PDE4D: variants seen among roughly 807,000 people sequenced by gnomAD.
The protein encoded by PDE4D is phosphodiesterase 4D, also known as 3',5'-cyclic-AMP phosphodiesterase 4D.
Under a neutral mutation model 87.4 loss-of-function variants are expected in PDE4D, and 24 were observed. The observed-to-expected ratio is 0.27, with a 90% CI of 0.20 to 0.39. The LOEUF is 0.39. Among genes scored for constraint, PDE4D ranks in the 10% least tolerant of loss-of-function variants. The pLI, the probability that PDE4D is intolerant of heterozygous loss-of-function variation, is 1.00. For missense variants in PDE4D, 714 were observed against 1,041.0 expected, an observed-to-expected ratio of 0.69 and a Z score of 4.32; for synonymous variants, 384 against 383.2, an observed-to-expected ratio of 1.00 and a Z score of -0.02.
chr5:59,282,030 C>T (rs1436633214), intron 1 of PDE4D, among the ~76,000 whole-genome samples: 2 of 152,124 alleles, frequency 1.3e-5, no homozygotes, highest in African/African-American at 4.8e-5. Context: ...CCTTTACCAA[C>T]ATCTGGTGTG....
At chr5:59,035,739 A>G (rs1400783324) in intron 6 of PDE4D, among the ~76,000 whole-genome samples, 1 of 152,218 alleles carries the variant, frequency 6.6e-6, no homozygotes, top group Non-Finnish European at 1.5e-5. Context: ...CAAAACCATA[A>G]TTCAACTTCC....
intron 1 of PDE4D, among the ~76,000 whole-genome samples, chr5:59,245,003 T>C (rs1006551924): frequency 3.3e-5 from 5 of 152,072 alleles, no homozygotes; most frequent in African/African-American, 1.2e-4. Flanking sequence ...AACATGTGTT[T>C]ATTTTGTAGT....
intron 1 of PDE4D, among the ~76,000 whole-genome samples, chr5:59,456,147 G>C (rs2153643791): frequency 6.6e-6 from 1 of 152,224 alleles, no homozygotes; most frequent in South Asian, 2.1e-4. Flanking sequence ...TATGAGATTT[G>C]GGAGGTACCA....
At chr5:60,502,167 A>G (rs1202641331) in intron 1 of PDE4D, among the ~76,000 whole-genome samples, 6 of 152,032 alleles carry the variant, frequency 3.9e-5, no homozygotes, top group Non-Finnish European at 2.9e-5. Context: ...TCCATCTTGA[A>G]TTAATTTTTG....
chr5:59,729,944 C>T (rs1403041556), intron 1 of PDE4D, among the ~76,000 whole-genome samples: 1 of 151,914 alleles, frequency 6.6e-6, no homozygotes, highest in Non-Finnish European at 1.5e-5. Context: ...CAAAATAGCC[C>T]CAGAATAGAA....
chr5:58,971,948 A>G lies in PDE4D; in HGVS notation c.*2716T>C, dbSNP rs1164805461. 1 of 152,536 alleles carries G rather than the reference A, an allele frequency of 6.6e-6. No individual in the cohort carries two copies. The highest frequency in any genetic ancestry group is 2.4e-5 in the African/African-American group (1 of 41,428). The allele number at this position is 152,536 out of a possible 1,614,324, so 9.4% of individuals were successfully genotyped here. A position where few individuals can be genotyped will look rare whatever the true frequency, so the allele number is the denominator to read the frequency against. ...TCTTGGATATTGAGCCTTTTCTGCAATTTGATTGTCCATTAGTGGGTATCT... is the reference window on the plus strand; with the variant it reads ...TCTTGGATATTGAGCCTTTTCTGCAGTTTGATTGTCCATTAGTGGGTATCT... On this transcript the variant is annotated 3_prime_UTR_variant, in exon 15 of 15. Coordinates refer to ENST00000340635, the MANE Select transcript of PDE4D (RefSeq NM_001104631.2).
intron 1 of PDE4D, among the ~76,000 whole-genome samples, chr5:59,465,933 G>T (rs908479200): frequency 1.3e-5 from 2 of 152,070 alleles, no homozygotes; most frequent in African/African-American, 4.8e-5. Flanking sequence ...AGACACGTTT[G>T]GTACGAGAGC....
chr5:60,282,743 G>A (rs554058316), intron 1 of PDE4D, among the ~76,000 whole-genome samples: 1 of 152,190 alleles, frequency 6.6e-6, no homozygotes, highest in Admixed American at 6.5e-5. Flanking sequence ...TAAGACATAG[G>A]CATATGCTTT....
chr5:59,844,500 G>T (rs192965794), intron 1 of PDE4D, among the ~76,000 whole-genome samples: 126 of 152,160 alleles, frequency 8.3e-4, no homozygotes, highest in African/African-American at 2.8e-3. Context: ...AATAGAGTAT[G>T]CATAGGCCAT....
chr5:60,505,189 A>G (rs988305673), intron 1 of PDE4D, among the ~76,000 whole-genome samples: 8 of 152,244 alleles, frequency 5.3e-5, no homozygotes, highest in Non-Finnish European at 8.8e-5. Context: ...CCAAAGGTCA[A>G]TGAAGGCAAG....
intron 1 of PDE4D, among the ~76,000 whole-genome samples, chr5:59,641,513 G>A (rs1448841213): frequency 6.6e-6 from 1 of 152,038 alleles, no homozygotes; most frequent in African/African-American, 2.4e-5. Flanking sequence ...ATCTAACTTT[G>A]TTTTAATAAA....
At chr5:60,247,627 T>C (rs966159130) in intron 1 of PDE4D, among the ~76,000 whole-genome samples, 1 of 152,004 alleles carries the variant, frequency 6.6e-6, no homozygotes, top group Non-Finnish European at 1.5e-5. Flanking sequence ...GAACTTTACA[T>C]GGATCCAAAT....
intron 1 of PDE4D, among the ~76,000 whole-genome samples, chr5:59,618,649 G>A (rs1258141032): frequency 6.6e-6 from 1 of 152,138 alleles, no homozygotes; most frequent in Non-Finnish European, 1.5e-5. Flanking sequence ...CAAACACAGA[G>A]GATACAGTCA....
intron 1 of PDE4D, among the ~76,000 whole-genome samples, chr5:60,446,806 G>C (rs1490197009): frequency 6.6e-6 from 1 of 152,132 alleles, no homozygotes; most frequent in Non-Finnish European, 1.5e-5. Flanking sequence ...TGGTATGCCT[G>C]CTCATACTGG....
intron 2 of PDE4D, among the ~76,000 whole-genome samples, chr5:60,085,758 G>T (rs566576495): frequency 4.6e-5 from 7 of 152,078 alleles, no homozygotes; most frequent in Non-Finnish European, 1.0e-4. Flanking sequence ...ATCATTTATT[G>T]TTGTTATTAT....
chr5:59,064,909 T>C (rs1203193686), intron 5 of PDE4D, among the ~76,000 whole-genome samples: 1 of 152,070 alleles, frequency 6.6e-6, no homozygotes, highest in African/African-American at 2.4e-5. Flanking sequence ...GGAAGTAACT[T>C]GATCCAGCAG....
At chr5:59,982,109 T>C (rs1362538767) in intron 3 of PDE4D, among the ~76,000 whole-genome samples, 1 of 152,244 alleles carries the variant, frequency 6.6e-6, no homozygotes, top group Non-Finnish European at 1.5e-5. Context: ...GTTGGGTAGT[T>C]AAATTTATCC....
chr5:60,381,826 C>A (rs897581910), intron 1 of PDE4D, among the ~76,000 whole-genome samples: 3 of 151,906 alleles, frequency 2.0e-5, no homozygotes, highest in Non-Finnish European at 4.4e-5. Flanking sequence ...ATGGTTAAAA[C>A]CATGAGAATG....
intron 1 of PDE4D, among the ~76,000 whole-genome samples, chr5:59,267,243 T>C (rs1038556303): frequency 6.6e-6 from 1 of 152,046 alleles, no homozygotes; most frequent in Non-Finnish European, 1.5e-5. Context: ...CAGTAATTTA[T>C]CCTGACTAAA....
Sources: allele counts gnomAD v4.1 joint callset (sites outside exome capture counted in the v4.1 genomes callset), GRCh38; gene constraint gnomAD v4.1.1; transcripts MANE v1.5; gene names NCBI Gene and HGNC (gene_info 2026-07-23, HGNC 2026-07-21).